Variants in MYO1H observed in about 807,000 individuals in gnomAD.
MYO1H encodes myosin IH, also known as unconventional myosin-Ih.
Under a neutral mutation model 149.3 loss-of-function variants are expected in MYO1H, and 118 were observed. That is an observed-to-expected ratio of 0.79 (90% CI 0.68 to 0.92). MYO1H has a LOEUF of 0.92. MYO1H is among the 40% of genes least tolerant of loss of function. The probability of loss-of-function intolerance (pLI) is 0.00; values close to 1 mark genes in which losing one functional copy is unlikely to be tolerated. For synonymous variants in MYO1H, 447 were observed against 465.2 expected (o/e 0.96, Z 0.50); for missense variants, 1,212 against 1,280.7 (o/e 0.95, Z 0.82).
chr12:109,388,852 G>T lies in MYO1H; in HGVS notation c.174+8G>T. 6.3e-7 allele frequency: 1 copy of T among 1,597,572 alleles called. No individual in the cohort carries two copies. The highest frequency in any genetic ancestry group is 1.1e-5 in the South Asian group (1 of 89,330). ...AGCGAGAACCTCATATACGTAACGT[G>T]ACCCACTTCTCAGCTGTTTTTCTAG... On this transcript the variant is annotated splice_region_variant and intron_variant, in intron 2 of 31. Coordinates refer to ENST00000310903, the Ensembl canonical transcript of MYO1H.
the MYO1H span, among the ~76,000 whole-genome samples, chr12:109,334,407 C>T: frequency 1.3e-5 from 2 of 151,870 alleles, no homozygotes; most frequent in African/African-American, 2.4e-5. Context: ...AACTCCTGGC[C>T]TCATGCAGTC....
chr12:109,343,419 G>C (rs968677583), upstream of MYO1H, among the ~76,000 whole-genome samples: 3 of 151,844 alleles, frequency 2.0e-5, no homozygotes, highest in African/African-American at 7.3e-5. Context: ...TTAATACTTG[G>C]GTCAACAAAA....
chr12:109,417,976 C>T (rs969790677), intron 15 of MYO1H, among the ~76,000 whole-genome samples: 24 of 151,662 alleles, frequency 1.6e-4, no homozygotes, highest in Middle Eastern at 3.4e-3. Flanking sequence ...CCACCACGCC[C>T]GGCTAATTTT....
rs768028014 is a variant in MYO1H, at chr12:109,406,817, T to G, written c.992T>G (p.Leu331Arg). 7 of 1,613,904 alleles carry G rather than the reference T, an allele frequency of 4.3e-6. No homozygotes were observed. The African/African-American group carries it at 9.3e-5, about 22-fold the overall frequency. The stretch of plus-strand genomic sequence containing the variant: ...CTGGGGGTCCACCCATCAGTCCTTC[T>G]GGAAGCTCTCACCCACAGAAAAATT... The change falls in exon 9 of 32, where the codon CTG becomes CGG. Residue 331 changes from leucine (L) to arginine (R), a missense_variant. Coordinates refer to ENST00000310903, the Ensembl canonical transcript of MYO1H.
chr12:109,406,835 GA>G lies in MYO1H; in HGVS notation c.1015del (p.Ile339LeufsTer8). The G allele has an allele frequency of 6.2e-7, 1 of 1,613,790 alleles. No homozygotes were observed. Among genetic ancestry groups the G allele is most frequent in the South Asian group, 1.1e-5 (1 of 91,066 alleles). On this transcript the variant is annotated frameshift_variant, in exon 9 of 32. Transcript: ENST00000310903. LOFTEE classifies it high-confidence loss of function. ...GTCCTTCTGGAAGCTCTCACCCACAGAAAAATTGAAGCCAAAACTGAGGAGG... is the reference window on the plus strand; with the variant it reads ...GTCCTTCTGGAAGCTCTCACCCACAGAAAATTGAAGCCAAAACTGAGGAGG...
At chr12:109,408,016 C>T (rs569150971) in intron 10 of MYO1H, 103 bp downstream of exon 10, 1 of 1,446,108 alleles carries the variant, frequency 6.9e-7, no homozygotes, top group African/African-American at 1.4e-5. Flanking sequence ...CTGTGGGCGC[C>T]TCATGGGCAG....
At chr12:109,360,293 A>G (rs560351543) in intron 1 of MYO1H, among the ~76,000 whole-genome samples, 3 of 152,178 alleles carry the variant, frequency 2.0e-5, no homozygotes, top group East Asian at 3.9e-4. Flanking sequence ...GAGTTTGTGT[A>G]CCAGCTCTAA....
At chr12:109,435,924 G>A (rs1029952145) in intron 21 of MYO1H, among the ~76,000 whole-genome samples, 4 of 152,200 alleles carry the variant, frequency 2.6e-5, no homozygotes, top group Non-Finnish European at 5.9e-5. Flanking sequence ...TGGGGCCTGA[G>A]CCAGCATCTC....
chr12:109,328,605 C>T, the MYO1H span, among the ~76,000 whole-genome samples: 1 of 152,182 alleles, frequency 6.6e-6, no homozygotes. Context: ...TTCCTTTCCC[C>T]TTCTGCATTT....
At chr12:109,321,335 AG>A in the MYO1H span, among the ~76,000 whole-genome samples, 1 of 152,126 alleles carries the variant, frequency 6.6e-6, no homozygotes, top group African/African-American at 2.4e-5. Flanking sequence ...AGATCACTTG[AG>A]GTCAGGAGTT....
the MYO1H span, among the ~76,000 whole-genome samples, chr12:109,341,827 T>C: frequency 2.0e-5 from 3 of 152,168 alleles, no homozygotes; most frequent in Non-Finnish European, 4.4e-5. Flanking sequence ...CTAGAGTTAG[T>C]GGTCTGATTT....
chr12:109,432,915 A>G, exon 20 of MYO1H: 2 of 1,614,018 alleles, frequency 1.2e-6, no homozygotes, highest in Non-Finnish European at 1.7e-6. Flanking sequence ...CCTTATGCCC[A>G]GACACCTGGC....
chr12:109,416,030 C>T (rs1359393144), intron 15 of MYO1H, among the ~76,000 whole-genome samples: 1 of 151,908 alleles, frequency 6.6e-6, no homozygotes, highest in Non-Finnish European at 1.5e-5. Context: ...GCAACCTCCG[C>T]CTCCCAGGTT....
the MYO1H span, among the ~76,000 whole-genome samples, chr12:109,312,798 T>G: frequency 6.1e-3 from 929 of 151,480 alleles, 6 homozygotes; most frequent in Middle Eastern, 0.017. Flanking sequence ...TTGTTTTTTT[T>G]TTTTTTAACT....
At chr12:109,384,435 A>G (rs1313533895) in intron 1 of MYO1H, among the ~76,000 whole-genome samples, 1 of 152,184 alleles carries the variant, frequency 6.6e-6, no homozygotes, top group Non-Finnish European at 1.5e-5. Flanking sequence ...TGCTCTCTTT[A>G]TAAGTCTCTT....
At chr12:109,444,551 TC>T (rs1374085694) in intron 30 of MYO1H, 22 bp downstream of exon 30, 7 of 1,565,148 alleles carry the variant, frequency 4.5e-6, no homozygotes, top group Non-Finnish European at 5.3e-6. Context: ...CATCTTCAGC[TC>T]AGGAAGTAAT....
chr12:109,410,771 G>A lies in MYO1H; in HGVS notation c.1410+3G>A. On this transcript the variant is annotated splice_donor_region_variant and intron_variant, in intron 13 of 31. Coordinates refer to ENST00000310903, the Ensembl canonical transcript of MYO1H. ...ATAAAGGAATCATATCTATTCTGGT[G>A]AGAAAAATGAATGTTGCATTAGAGC... 6.5e-7 allele frequency: 1 copy of A among 1,535,526 alleles called. No individual in the cohort carries two copies. The highest frequency in any genetic ancestry group is 9.0e-7 in the Non-Finnish European group (1 of 1,116,596).
chr12:109,381,375 C>T (rs1329625456), intron 1 of MYO1H, among the ~76,000 whole-genome samples: 2 of 152,018 alleles, frequency 1.3e-5, no homozygotes, highest in African/African-American at 4.8e-5. Context: ...ACTGCACTAC[C>T]GCAGTCCAGG....
At chr12:109,419,187 TAC>T (rs59471788) in intron 15 of MYO1H, among the ~76,000 whole-genome samples, 52,403 of 147,840 alleles carry the variant, frequency 0.35, 9,458 homozygotes, top group African/African-American at 0.48. Context: ...TATGTGAGGA[TAC>T]ACACACACAC....
Sources: allele counts gnomAD v4.1 joint callset (sites outside exome capture counted in the v4.1 genomes callset), GRCh38; gene constraint gnomAD v4.1.1; transcripts MANE v1.5; gene names NCBI Gene and HGNC (gene_info 2026-07-23, HGNC 2026-07-21).